The following KCNJ3 variants were observed in gnomAD, a reference collection of about 807,000 sequenced individuals.
KCNJ3 encodes G protein-activated inward rectifier potassium channel 1.
A neutral mutation model predicts 39.2 loss-of-function variants in KCNJ3; 4 were observed. The ratio of observed to expected loss-of-function variants is 0.10; its 90% CI spans 0.05 to 0.23. KCNJ3 has a LOEUF of 0.23. KCNJ3 is among the 10% of genes least tolerant of loss of function. KCNJ3 has a pLI of 1.00. For synonymous variants in KCNJ3, 230 were observed against 237.4 expected (o/e 0.97, Z 0.29); for missense variants, 276 against 634.9 (o/e 0.43, Z 6.08).
At chr2:154,802,808 G>A (rs1313228436) in intron 2 of KCNJ3, among the ~76,000 whole-genome samples, 1 of 152,064 alleles carries the variant, frequency 6.6e-6, no homozygotes, top group Non-Finnish European at 1.5e-5. Flanking sequence ...CTAACTGAAG[G>A]TGATACGGAT....
At chr2:154,845,590 TAATA>T (rs1687650703) in intron 2 of KCNJ3, among the ~76,000 whole-genome samples, 2 of 152,240 alleles carry the variant, frequency 1.3e-5, no homozygotes, top group African/African-American at 4.8e-5. Flanking sequence ...AACAATGCTT[TAATA>T]AATACCATAA....
At chr2:154,834,490 G>C (rs1574479749) in intron 2 of KCNJ3, among the ~76,000 whole-genome samples, 1 of 152,120 alleles carries the variant, frequency 6.6e-6, no homozygotes, top group Non-Finnish European at 1.5e-5. Context: ...CCAGCACTTT[G>C]GGCTGCCGAG....
chr2:154,797,164 T>C (rs1304821054), intron 2 of KCNJ3, among the ~76,000 whole-genome samples: 1 of 152,170 alleles, frequency 6.6e-6, no homozygotes, highest in Non-Finnish European at 1.5e-5. Flanking sequence ...GTTTGGCAAA[T>C]GTGGGCAGCT....
At chr2:154,772,552 T>C (rs1373457514) in intron 2 of KCNJ3, among the ~76,000 whole-genome samples, 1 of 152,192 alleles carries the variant, frequency 6.6e-6, no homozygotes, top group Non-Finnish European at 1.5e-5. Flanking sequence ...GTTCTTGAAA[T>C]AGGACTTTTG....
rs774843395 is a variant in KCNJ3, at chr2:154,698,928, C to G, written c.153C>G (p.Gly51=). The G allele has an allele frequency of 2.5e-6, 4 of 1,614,186 alleles. No homozygotes were observed. The South Asian group carries it at 3.3e-5, about 13-fold the overall frequency. ...KKRQRFVDKN[G]RCNVQHGNLG... is the part of the protein sequence containing the mutation. ...GGCAGCGGTTCGTGGACAAGAACGG[C>G]CGGTGCAATGTACAGCACGGCAACC... The change falls in exon 1 of 3, where the codon GGC becomes GGG. Residue 51 remains glycine (G), a synonymous_variant. Transcript: ENST00000295101.
chr2:154,835,014 T>G (rs1204586193), intron 2 of KCNJ3, among the ~76,000 whole-genome samples: 1 of 151,882 alleles, frequency 6.6e-6, no homozygotes, highest in Non-Finnish European at 1.5e-5. Flanking sequence ...TCCTATTTTT[T>G]TTTTTAAATA....
intron 2 of KCNJ3, among the ~76,000 whole-genome samples, chr2:154,780,221 G>T (rs1337446383): frequency 6.6e-6 from 1 of 152,104 alleles, no homozygotes; most frequent in East Asian, 1.9e-4. Context: ...GTACATTCTG[G>T]TTATAATAAG....
At chr2:154,711,574 C>T (rs985959960) in intron 2 of KCNJ3, among the ~76,000 whole-genome samples, 14 of 152,048 alleles carry the variant, frequency 9.2e-5, no homozygotes, top group African/African-American at 2.7e-4. Context: ...TATAAAATCA[C>T]GGTCTGAAGA....
chr2:154,725,257 C>T (rs1451752141), intron 2 of KCNJ3, among the ~76,000 whole-genome samples: 1 of 147,130 alleles, frequency 6.8e-6, no homozygotes, highest in Non-Finnish European at 1.5e-5. Context: ...CTCCAAACTT[C>T]TCTTCTATAG....
intron 1 of KCNJ3, among the ~76,000 whole-genome samples, chr2:154,703,206 A>T (rs1684940074): frequency 6.6e-6 from 1 of 152,060 alleles, no homozygotes; most frequent in African/African-American, 2.4e-5. Context: ...ATACTCATCC[A>T]GTCAGCACAC....
At chr2:154,826,382 C>CTGTT (rs1216032370) in intron 2 of KCNJ3, among the ~76,000 whole-genome samples, 1 of 152,174 alleles carries the variant, frequency 6.6e-6, no homozygotes, top group Admixed American at 6.5e-5. Flanking sequence ...TACTTATAAA[C>CTGTT]TGTTTAAAGA....
At chr2:154,798,108 C>T (rs888649994) in intron 2 of KCNJ3, among the ~76,000 whole-genome samples, 1 of 151,684 alleles carries the variant, frequency 6.6e-6, no homozygotes, top group Non-Finnish European at 1.5e-5. Context: ...TTCACATACA[C>T]CCCACACATA....
chr2:154,842,629 T>C (rs1412484211), intron 2 of KCNJ3, among the ~76,000 whole-genome samples: 1 of 152,212 alleles, frequency 6.6e-6, no homozygotes, highest in Admixed American at 6.5e-5. Context: ...TGCTCCTGTA[T>C]TGGGTGCATA....
chr2:154,827,661 T>A (rs2591141), intron 2 of KCNJ3, among the ~76,000 whole-genome samples: 105,352 of 151,894 alleles, frequency 0.69, 38,686 homozygotes, highest in East Asian at 0.95. Context: ...GTGTAAACAA[T>A]TCAAATACAG....
intron 2 of KCNJ3, among the ~76,000 whole-genome samples, chr2:154,844,874 G>C (rs752207969): frequency 1.1e-4 from 17 of 152,180 alleles, no homozygotes; most frequent in Non-Finnish European, 2.4e-4. Context: ...GGCTAGGAAA[G>C]GGAAATCCCC....
chr2:154,770,160 C>T (rs1272091696), intron 2 of KCNJ3, among the ~76,000 whole-genome samples: 1 of 152,162 alleles, frequency 6.6e-6, no homozygotes, highest in East Asian at 1.9e-4. Flanking sequence ...AACATATTTG[C>T]CACAAAATTT....
intron 2 of KCNJ3, among the ~76,000 whole-genome samples, chr2:154,774,867 C>G (rs1367756909): frequency 1.3e-5 from 2 of 152,012 alleles, no homozygotes; most frequent in East Asian, 3.9e-4. Context: ...TTGTTAACAT[C>G]TCCCAATGAA....
intron 2 of KCNJ3, among the ~76,000 whole-genome samples, chr2:154,846,483 T>G (rs1007757210): frequency 9.9e-5 from 15 of 152,154 alleles, no homozygotes; most frequent in African/African-American, 2.9e-4. Flanking sequence ...ACCATATACA[T>G]TATATATTTT....
intron 2 of KCNJ3, among the ~76,000 whole-genome samples, chr2:154,748,168 T>A (rs1301994255): frequency 6.6e-6 from 1 of 152,078 alleles, no homozygotes; most frequent in Non-Finnish European, 1.5e-5. Context: ...ATGAAATGAC[T>A]TTTCTTTCAC....
Sources: gnomAD v4.1 joint callset for allele counts (sites outside exome capture counted in the v4.1 genomes callset) on GRCh38, gnomAD v4.1.1 for gene constraint, MANE v1.5 for transcripts, NCBI Gene and HGNC (gene_info 2026-07-23, HGNC 2026-07-21) for gene names.